GPI: variants seen among roughly 807,000 people sequenced by gnomAD.
GPI encodes D-hexose-6-phosphate anomerase.
Under a neutral mutation model 75.8 loss-of-function variants are expected in GPI, and 56 were observed. That is an observed-to-expected ratio of 0.74 (90% CI 0.60 to 0.92). The LOEUF is 0.92. GPI is among the 40% of genes least tolerant of loss of function. The probability of loss-of-function intolerance (pLI) is 0.00; values close to 1 mark genes in which losing one functional copy is unlikely to be tolerated. For synonymous variants in GPI, 288 were observed against 285.4 expected (o/e 1.01, Z -0.09); for missense variants, 638 against 741.0 (o/e 0.86, Z 1.61).
chr19:34,375,748 C>T (rs1166480351), intron 4 of GPI, among the ~76,000 whole-genome samples: 2 of 152,170 alleles, frequency 1.3e-5, no homozygotes, highest in African/African-American at 4.8e-5. Context: ...AGCGAGTCAT[C>T]CAAGAGAGCA....
rs1035814816 is a variant in GPI, at chr19:34,400,593, T to C, written c.*557T>C. 3 of 425,670 alleles carry C rather than the reference T, an allele frequency of 7.0e-6. No homozygotes were observed. The highest frequency in any genetic ancestry group is 2.0e-5 in the African/African-American group (1 of 49,304). The allele number at this position is 425,670 out of a possible 1,614,324, so 26.4% of individuals were successfully genotyped here. ...CTGTGACTGCAGAAATTGGATACTC[T>C]GTTCACTCGATGGTTCTAAAAACTG... On this transcript the variant is annotated 3_prime_UTR_variant, in exon 18 of 18. Transcript: ENST00000356487.
chr19:34,361,975 C>T (rs564053889), upstream of GPI, among the ~76,000 whole-genome samples: 4 of 152,060 alleles, frequency 2.6e-5, no homozygotes, highest in African/African-American at 9.6e-5. Flanking sequence ...ATTAGCTGGA[C>T]GTAGTGTTGC....
chr19:34,396,256 T>C, intron 12 of GPI, 45 bp from the exon 13 acceptor site: 1 of 1,611,346 alleles, frequency 6.2e-7, no homozygotes, highest in South Asian at 1.1e-5. Context: ...TCTTTTTAAA[T>C]GTTCTTTCAT....
intron 9 of GPI, among the ~76,000 whole-genome samples, chr19:34,382,311 G>A (rs1301731375): frequency 1.3e-5 from 2 of 152,160 alleles, no homozygotes; most frequent in African/African-American, 4.8e-5. Flanking sequence ...CAGGCATTTG[G>A]ACCAGAGGCC....
At chr19:34,387,891 G>C (rs1263667378) in intron 9 of GPI, among the ~76,000 whole-genome samples, 1 of 152,186 alleles carries the variant, frequency 6.6e-6, no homozygotes, top group African/African-American at 2.4e-5. Context: ...AGGTGGGTCA[G>C]ACACAGGTGA....
upstream of GPI, chr19:34,364,973 C>T: frequency 6.5e-7 from 1 of 1,528,870 alleles, no homozygotes; most frequent in South Asian, 1.2e-5. Context: ...GCCCACCCTC[C>T]CCACTGCCAC....
intron 9 of GPI, among the ~76,000 whole-genome samples, chr19:34,383,256 C>T (rs774042014): frequency 7.2e-5 from 11 of 152,138 alleles, no homozygotes; most frequent in Non-Finnish European, 1.5e-4. Context: ...CAGAGCAGGT[C>T]CAGGTGAGTT....
intron 8 of GPI, chr19:34,381,261 G>T: frequency 1.5e-6 from 1 of 649,582 alleles, no homozygotes; most frequent in South Asian, 1.7e-5. Flanking sequence ...GCTGGTCATG[G>T]ACTGATCTGG....
chr19:34,399,330 C>T lies in GPI; in HGVS notation c.1393C>T (p.His465Tyr). 1 of 1,614,130 alleles carries T rather than the reference C, an allele frequency of 6.2e-7. No homozygotes were observed. The highest frequency in any genetic ancestry group is 8.5e-7 in the Non-Finnish European group (1 of 1,180,016). The change falls in exon 15 of 18, where the codon CAT becomes TAT. Residue 465 changes from histidine (H) to tyrosine (Y), a missense_variant. By Grantham distance (83) the His-to-Tyr change is moderately conservative. Coordinates refer to ENST00000356487, the MANE Select transcript of GPI (RefSeq NM_000175.5). ...SPEDLERLLP[H>Y]KVFEGNRPTN... The stretch of plus-strand genomic sequence containing the variant: ...AGAGGACCTTGAGAGGCTGCTGCCA[C>T]ATAAGGTCAGCACTTCTGCATTTGG...
At position 34,399,953 on chromosome 19, in the gene GPI, A is replaced by G. The variant is rs768287124; in HGVS notation, c.1594A>G (p.Ser532Gly). 2.9e-5 allele frequency: 47 copies of G among 1,613,850 alleles called. No homozygotes were observed. In the Admixed American group the frequency reaches 3.7e-4, roughly 13 times the overall value. Residue 532 changes from serine to glycine, a missense_variant, in exon 18 of 18, where the codon AGT (serine) becomes GGT (glycine). Coordinates refer to ENST00000356487, the MANE Select transcript of GPI (RefSeq NM_000175.5). ...AKKIEPELDGSAQVTSHDAST... is the reference protein window; with the variant it reads ...AKKIEPELDGGAQVTSHDAST... ...GAAAATAGAGCCTGAGCTTGATGGC[A>G]GTGCTCAAGTGACCTCTCACGACGC...
intron 3 of GPI, among the ~76,000 whole-genome samples, chr19:34,367,984 G>A (rs1190921731): frequency 6.6e-6 from 1 of 152,152 alleles, no homozygotes; most frequent in African/African-American, 2.4e-5. Context: ...GCAGTGGTGC[G>A]ATCTTGGCTC....
intron 4 of GPI, among the ~76,000 whole-genome samples, chr19:34,376,766 A>G (rs1568332658): frequency 6.6e-6 from 1 of 150,846 alleles, no homozygotes. Context: ...ATAAGTAAAT[A>G]GCGAGGCGCG....
chr19:34,367,160 C>A (rs1300373267), intron 3 of GPI: 1 of 478,866 alleles, frequency 2.1e-6, no homozygotes, highest in Non-Finnish European at 3.9e-6. Context: ...ATCCTCAATG[C>A]AAGTTTTAGT....
chr19:34,365,448 C>T (rs1047933577), intron 1 of GPI, 60 bp downstream of exon 1: 1 of 1,515,270 alleles, frequency 6.6e-7, no homozygotes. Context: ...GGCACGCGGG[C>T]CTGGGGTCTG....
At chr19:34,383,667 A>G (rs2074689251) in intron 9 of GPI, among the ~76,000 whole-genome samples, 1 of 152,142 alleles carries the variant, frequency 6.6e-6, no homozygotes, top group Admixed American at 6.5e-5. Flanking sequence ...CGGGAGAGGT[A>G]GGAATGTACC....
At chr19:34,366,297 C>A in intron 1 of GPI, 48 bp from the exon 2 acceptor site, 1 of 1,232,892 alleles carries the variant, frequency 8.1e-7, no homozygotes, top group Non-Finnish European at 1.2e-6. Context: ...CATGGCTCCC[C>A]GCTAGGGAGA....
chr19:34,360,227 G>A (rs1362115135), upstream of GPI, among the ~76,000 whole-genome samples: 3 of 152,154 alleles, frequency 2.0e-5, no homozygotes, highest in Non-Finnish European at 4.4e-5. Flanking sequence ...TGAGCCCTAA[G>A]CTCTGCGATC....
intron 9 of GPI, chr19:34,392,930 C>G: frequency 2.4e-6 from 1 of 420,960 alleles, no homozygotes; most frequent in South Asian, 2.1e-5. Flanking sequence ...TGGGTGTGTC[C>G]GTGTCTGAGG....
At chr19:34,396,804 CT>C in intron 14 of GPI, 147 bp downstream of exon 14, 1 of 720,412 alleles carries the variant, frequency 1.4e-6, no homozygotes, top group Non-Finnish European at 2.5e-6. Flanking sequence ...TAAAACAACA[CT>C]CTTCTTTTGT....
Sources: allele counts gnomAD v4.1 joint callset (sites outside exome capture counted in the v4.1 genomes callset), GRCh38; gene constraint gnomAD v4.1.1; transcripts MANE v1.5; gene names NCBI Gene and HGNC (gene_info 2026-07-23, HGNC 2026-07-21).